PCDHA3: variants seen among roughly 807,000 people sequenced by gnomAD.
The protein encoded by PCDHA3 is protocadherin alpha 3, also known as protocadherin alpha-3.
A neutral mutation model predicts 62.2 loss-of-function variants in PCDHA3; 41 were observed. The ratio of observed to expected loss-of-function variants is 0.66; its 90% CI spans 0.51 to 0.86. The LOEUF (loss-of-function observed/expected upper bound fraction) is 0.86. Ranked by LOEUF, PCDHA3 falls within the 40% of genes least tolerant of loss-of-function variation. The probability of loss-of-function intolerance (pLI) is 0.00; values close to 1 mark genes in which losing one functional copy is unlikely to be tolerated. For synonymous variants in PCDHA3, 640 were observed against 555.4 expected, an observed-to-expected ratio of 1.15 and a Z score of -2.14; for missense variants, 1,304 against 1,241.2, an observed-to-expected ratio of 1.05 and a Z score of -0.76.
At chr5:140,856,761 C>T (rs377564040) in intron 1 of PCDHA3, 2 of 1,596,598 alleles carry the variant, frequency 1.3e-6, no homozygotes, top group Non-Finnish European at 1.7e-6. Context: ...AATGATAACG[C>T]CCCTATCTTT....
chr5:140,838,330 C>T lies in PCDHA3; in HGVS notation c.2394+34739C>T, dbSNP rs113888727. 2.6e-3 allele frequency among the ~76,000 whole-genome samples: 382 copies of T among 147,588 alleles called. 4 individuals carry two copies. The highest frequency in any genetic ancestry group is 9.4e-3 in the African/African-American group (367 of 39,126). The stretch of plus-strand genomic sequence containing the variant: ...GTAGAAACAGAGTTTCACCATGTTG[C>T]CCCGGCTGGTCTCGAAATCTGGGAC... On this transcript the variant is annotated intron_variant, in intron 1 of 3. Coordinates refer to ENST00000522353, the MANE Select transcript of PCDHA3 (RefSeq NM_018906.3).
chr5:140,976,990 A>G (rs1162326000), intron 1 of PCDHA3, among the ~76,000 whole-genome samples: 1 of 152,228 alleles, frequency 6.6e-6, no homozygotes. Flanking sequence ...TCTTACTGCC[A>G]TAAGAAATCT....
intron 1 of PCDHA3, chr5:140,828,462 G>C: frequency 1.9e-6 from 3 of 1,614,208 alleles, no homozygotes; most frequent in Non-Finnish European, 2.5e-6. Context: ...GTGGAGGTGA[G>C]GGACATTAAC....
chr5:140,819,771 T>A (rs1766619279), intron 1 of PCDHA3, among the ~76,000 whole-genome samples: 2 of 152,090 alleles, frequency 1.3e-5, no homozygotes, highest in Admixed American at 6.5e-5. Flanking sequence ...TCCTGAAATA[T>A]CTATATAAGT....
chr5:140,883,447 C>T (rs967998655), intron 1 of PCDHA3: 13 of 1,614,168 alleles, frequency 8.1e-6, no homozygotes, highest in Non-Finnish European at 1.0e-5. Flanking sequence ...CGCCGCATGT[C>T]CCCTTCAAGC....
At chr5:140,881,353 G>T (rs537796043) in intron 1 of PCDHA3, 4 of 985,178 alleles carry the variant, frequency 4.1e-6, no homozygotes, top group Non-Finnish European at 4.8e-6. Context: ...GCTACAATGC[G>T]TGGCTTTCGT....
At chr5:140,882,658 G>T in intron 1 of PCDHA3, 4 of 1,614,148 alleles carry the variant, frequency 2.5e-6, no homozygotes, top group South Asian at 1.1e-5. Flanking sequence ...ACGACAACCC[G>T]CCCATATTCC....
chr5:140,892,874 C>T (rs1157291129), intron 1 of PCDHA3, among the ~76,000 whole-genome samples: 2 of 152,148 alleles, frequency 1.3e-5, no homozygotes, highest in Non-Finnish European at 2.9e-5. Flanking sequence ...GCTATAATTT[C>T]GTATCCATTA....
At chr5:140,901,952 C>T (rs1427349795) in intron 1 of PCDHA3, among the ~76,000 whole-genome samples, 6 of 151,888 alleles carry the variant, frequency 4.0e-5, no homozygotes, top group Non-Finnish European at 8.8e-5. Context: ...TAGTTTTATT[C>T]GTGGCTATCG....
At chr5:140,824,898 T>A (rs1443268560) in intron 1 of PCDHA3, 1 of 152,162 alleles carries the variant, frequency 6.6e-6, no homozygotes, top group Non-Finnish European at 1.5e-5. Context: ...CAACTTTGCC[T>A]AAGCAGTTCA....
chr5:140,951,546 G>A (rs962043182), intron 1 of PCDHA3, among the ~76,000 whole-genome samples: 9 of 151,942 alleles, frequency 5.9e-5, no homozygotes, highest in Non-Finnish European at 8.8e-5. Context: ...CAAGGGACGG[G>A]GGGAAGTGCT....
rs1282468969 is a variant in PCDHA3 at position 140,823,212 on chromosome 5, G to C, written c.2394+19621G>C. 4.3e-6 allele frequency: 7 copies of C among 1,613,784 alleles called. No homozygotes were observed. In the East Asian group the frequency reaches 1.6e-4, roughly 36 times the overall value. The stretch of plus-strand genomic sequence containing the variant: ...GCCACATCTTCACGGTGTCTGCACG[G>C]GACGCGGACGCGCAGGAGAACGCCC... On this transcript the variant is annotated intron_variant, in intron 1 of 3. Coordinates refer to ENST00000522353, the MANE Select transcript of PCDHA3 (RefSeq NM_018906.3).
chr5:140,843,055 C>G lies in PCDHA3; in HGVS notation c.2394+39464C>G, dbSNP rs2150351247. 2.5e-6 allele frequency: 4 copies of G among 1,594,954 alleles called. No homozygotes were observed. In the African/African-American group the frequency reaches 4.0e-5, roughly 16 times the overall value. Reference sequence around the variant, plus strand: ...TGGGTGGCACTGGTGGCGCAGCGAGCAAGCTGGTGCCGCGGTCTGTGGGCG... The same window carrying G: ...TGGGTGGCACTGGTGGCGCAGCGAGGAAGCTGGTGCCGCGGTCTGTGGGCG... On this transcript the variant is annotated intron_variant, in intron 1 of 3. Transcript: ENST00000522353.
intron 1 of PCDHA3, chr5:140,829,512 T>C: frequency 6.2e-7 from 1 of 1,613,516 alleles, no homozygotes. Flanking sequence ...GGCTGCCACA[T>C]CTTCACGGTG....
intron 1 of PCDHA3, chr5:140,929,574 G>A: frequency 2.2e-6 from 1 of 448,534 alleles, no homozygotes; most frequent in Non-Finnish European, 3.9e-6. Flanking sequence ...AACAATAAAA[G>A]TAATATGACA....
chr5:140,801,228 G>A lies in PCDHA3; in HGVS notation c.31G>A (p.Ala11Thr), dbSNP rs1762661058. MLFSWREDPG[A>T]QCLLLSLLLL... is the part of the protein sequence containing the mutation. ...GTTCTCCTGGCGAGAAGATCCTGGAGCCCAGTGCCTGCTGCTTTCTCTTCT... is the reference window on the plus strand; with the variant it reads ...GTTCTCCTGGCGAGAAGATCCTGGAACCCAGTGCCTGCTGCTTTCTCTTCT... The change falls in exon 1 of 4, where the codon GCC becomes ACC. Residue 11 changes from alanine to threonine, a missense_variant. Ala to Thr is a moderately conservative substitution (Grantham distance 58). Transcript: ENST00000522353. 7.4e-6 allele frequency: 12 copies of A among 1,612,074 alleles called. No individual in the cohort carries two copies. Among genetic ancestry groups the A allele is most frequent in the Non-Finnish European group, 1.0e-5 (12 of 1,178,714 alleles).
intron 1 of PCDHA3, chr5:140,876,227 C>T (rs782218758): frequency 2.5e-6 from 4 of 1,613,794 alleles, no homozygotes; most frequent in South Asian, 2.2e-5. Flanking sequence ...GTAGTGTTGT[C>T]TGAAAATGTC....
chr5:140,879,557 T>C (rs1554170871), intron 1 of PCDHA3, among the ~76,000 whole-genome samples: 1 of 152,152 alleles, frequency 6.6e-6, no homozygotes, highest in Non-Finnish European at 1.5e-5. Flanking sequence ...AAATAATCCA[T>C]GAAAGAATAA....
chr5:140,927,226 A>G, intron 1 of PCDHA3: 4 of 1,613,996 alleles, frequency 2.5e-6, no homozygotes, highest in Non-Finnish European at 3.4e-6. Context: ...CAAGATTCGG[A>G]TTCACGTCCT....
Sources: allele counts gnomAD v4.1 joint callset (sites outside exome capture counted in the v4.1 genomes callset), GRCh38; gene constraint gnomAD v4.1.1; transcripts MANE v1.5; gene names NCBI Gene and HGNC (gene_info 2026-07-23, HGNC 2026-07-21).